Variants in NPHS1 observed in about 807,000 individuals in gnomAD.
NPHS1 encodes nephrin.
A neutral mutation model predicts 139.7 loss-of-function variants in NPHS1; 107 were observed. That is an observed-to-expected ratio of 0.77 (90% CI 0.66 to 0.90). The LOEUF (loss-of-function observed/expected upper bound fraction) is 0.90, where lower values mean the gene tolerates loss of function less well. Among genes scored for constraint, NPHS1 ranks in the 40% least tolerant of loss-of-function variants. The probability of loss-of-function intolerance (pLI) is 0.00; values close to 1 mark genes in which losing one functional copy is unlikely to be tolerated. For missense variants in NPHS1, 1,580 were observed against 1,654.2 expected (o/e 0.96, Z 0.78); for synonymous variants, 707 against 706.6 (o/e 1.00, Z -0.01).
chr19:35,839,705 G>A (rs573867632), intron 20 of NPHS1, 98 bp from the exon 21 acceptor site: 155 of 934,256 alleles, frequency 1.7e-4, no homozygotes, highest in Non-Finnish European at 1.3e-4. Context: ...ATATACAATC[G>A]CTTCTCATTG....
At chr19:35,851,240 C>G (rs778628615) in intron 3 of NPHS1, 22 bp downstream of exon 3, 34 of 1,613,874 alleles carry the variant, frequency 2.1e-5, no homozygotes, top group Non-Finnish European at 2.8e-5. Context: ...ACTCATGGGT[C>G]CTGGGCGTCT....
rs1487105643 is a variant in NPHS1 at position 35,841,815 on chromosome 19, G to A, written c.2715C>T (p.Thr905=). Residue 905 remains threonine (T), a synonymous_variant, in exon 20 of 29, where the codon ACC becomes ACT. Transcript: ENST00000378910. ...CCTGGGCGGCAGACACGTTGGCAAT[G>A]GTCAGGAGGCTGCTGTGGACACCAC... The part of the protein sequence containing the change: ...HQGGVHSSLL[T]IANVSAAQDY... The A allele has an allele frequency of 1.2e-6, 2 of 1,614,112 alleles. No homozygotes were observed. The highest frequency in any genetic ancestry group is 4.5e-5 in the East Asian group (2 of 44,890).
In NPHS1 at chr19:35,846,116, T is replaced by C. The variant is rs755654902; in HGVS notation, c.1519A>G (p.Ser507Gly). The change falls in exon 12 of 29, where the codon AGC becomes GGC. Residue 507 changes from serine to glycine, a missense_variant. By Grantham distance (56) the Ser-to-Gly change is moderately conservative. Coordinates refer to ENST00000378910, the MANE Select transcript of NPHS1 (RefSeq NM_004646.4). Reference sequence around the variant, plus strand: ...AGCACCAGCTCTCGGGAGAAGGTGCTCCCAGATTTCTCCACGCTGCCGAGA... The same window carrying C: ...AGCACCAGCTCTCGGGAGAAGGTGCCCCCAGATTTCTCCACGCTGCCGAGA... ...VHLGSVEKSGSTFSRELVLVT... is the reference protein window; with the variant it reads ...VHLGSVEKSGGTFSRELVLVT... The C allele has an allele frequency of 1.3e-6, 2 of 1,597,440 alleles. No individual in the cohort carries two copies. The highest frequency in any genetic ancestry group is 1.7e-5 in the Admixed American group (1 of 57,432).
At chr19:35,835,272 T>C (rs946979022) in intron 23 of NPHS1, among the ~76,000 whole-genome samples, 1 of 149,306 alleles carries the variant, frequency 6.7e-6, no homozygotes, top group African/African-American at 2.4e-5. Context: ...AGTCTGCAAT[T>C]CTGCAGGGAC....
rs771056065 is a variant in NPHS1, at chr19:35,846,003, C to T, written c.1627+5G>A. ...CCCCCGGGCCTCAGCAGTGCGAGCCCTCACACTGCACCGCCAGCTGCGTGG... is the reference window on the plus strand; with the variant it reads ...CCCCCGGGCCTCAGCAGTGCGAGCCTTCACACTGCACCGCCAGCTGCGTGG... On this transcript the variant is annotated splice_donor_5th_base_variant and intron_variant, in intron 12 of 28. Transcript: ENST00000378910. 4.5e-6 allele frequency: 7 copies of T among 1,572,384 alleles called. No individual in the cohort carries two copies. The highest frequency in any genetic ancestry group is 6.0e-6 in the Non-Finnish European group (7 of 1,159,130).
In NPHS1 at chr19:35,852,356, A is replaced by G. The variant is rs1300823899; in HGVS notation, c.-519T>C. Among the ~76,000 whole-genome samples the G allele has an allele frequency of 6.9e-6, 1 of 144,466 alleles. No homozygotes were observed. The highest frequency in any genetic ancestry group is 2.0e-4 in the East Asian group (1 of 4,932). The allele number at this position is 144,466 out of a possible 152,430, so 94.8% of individuals were successfully genotyped here. A position where few individuals can be genotyped will look rare whatever the true frequency, so the allele number is the denominator to read the frequency against. Reference sequence around the variant, plus strand: ...TCTATCTTCTCTCCTGCCACCCCTCACTCCTGCTCCTTGTCTCACTACTCA... The same window carrying G: ...TCTATCTTCTCTCCTGCCACCCCTCGCTCCTGCTCCTTGTCTCACTACTCA... On this transcript the variant is annotated 5_prime_UTR_variant, in exon 1 of 29. Transcript: ENST00000378910.
rs745815470 is a variant in NPHS1 at position 35,851,537 on chromosome 19, G to T, written c.194C>A (p.Ala65Asp). ...VSTPGSAVQW[A>D]KDGLLLGPDP... ...GGGGCCCAGGAGCAGCCCATCTTTG[G>T]CCCATTGCACCGCACTGCCAGGGGT... is the stretch of plus-strand genomic sequence containing the variant. The change falls in exon 2 of 29, where the codon GCC becomes GAC. Residue 65 changes from alanine (A) to aspartate (D), a missense_variant. By Grantham distance (126) the Ala-to-Asp change is moderately radical. Transcript: ENST00000378910. The T allele has an allele frequency of 6.2e-7, 1 of 1,613,842 alleles. No homozygotes were observed. Among genetic ancestry groups the T allele is most frequent in the South Asian group, 1.1e-5 (1 of 91,082 alleles).
chr19:35,835,034 C>G (rs561531560), intron 23 of NPHS1, among the ~76,000 whole-genome samples: 296 of 150,782 alleles, frequency 2.0e-3, no homozygotes, highest in South Asian at 8.6e-3. Context: ...CCCGTCCCTA[C>G]TAAAAAAGTA....
rs188326985 is a variant in NPHS1, at chr19:35,850,535, G to A, written c.527-90C>T. The A allele has an allele frequency of 3.4e-5, 37 of 1,078,654 alleles. No homozygotes were observed. The East Asian group carries it at 5.2e-4, about 15-fold the overall frequency. The allele number at this position is 1,078,654 out of a possible 1,614,324, so 66.8% of individuals were successfully genotyped here. ...GCCTGGAAGTCCTCAGGGTGGGTGC[G>A]ATGCCCCCTCCCTCCTCGTTCTAGA... On this transcript the variant is annotated intron_variant, in intron 4 of 28. Transcript: ENST00000378910.
chr19:35,830,529 C>T (rs1050055680), intron 28 of NPHS1, among the ~76,000 whole-genome samples: 1 of 152,262 alleles, frequency 6.6e-6, no homozygotes, highest in Non-Finnish European at 1.5e-5. Flanking sequence ...CCTGGCTCAG[C>T]CTCCTGAGTA....
At chr19:35,833,288 G>T (rs1300858280) in intron 23 of NPHS1, among the ~76,000 whole-genome samples, 1 of 152,098 alleles carries the variant, frequency 6.6e-6, no homozygotes, top group Non-Finnish European at 1.5e-5. Context: ...CCTCTAAGTA[G>T]GCATCTGTTG....
Position 35,848,401 on chromosome 19 carries a change from G to A in NPHS1, c.1171-4C>T, listed in dbSNP as rs1235712668. ...AGATGTGACCGCCATGCAGTCCCTG[G>A]CAGGGAGTGAGCTTCAGACGTGGGG... On this transcript the variant is annotated splice_polypyrimidine_tract_variant and splice_region_variant and intron_variant, in intron 9 of 28. Transcript: ENST00000378910. The A allele has an allele frequency of 8.1e-6, 13 of 1,614,118 alleles. No homozygotes were observed. Among genetic ancestry groups the A allele is most frequent in the Non-Finnish European group, 1.0e-5 (12 of 1,180,004 alleles).
At chr19:35,848,948 CA>C in intron 8 of NPHS1, 27 bp downstream of exon 8, 8 of 1,611,416 alleles carry the variant, frequency 5.0e-6, no homozygotes, top group Non-Finnish European at 4.2e-6. Flanking sequence ...CACAGACCGA[CA>C]GGGGGGCAGC....
intron 23 of NPHS1, among the ~76,000 whole-genome samples, chr19:35,832,259 C>A (rs1426714545): frequency 6.6e-6 from 1 of 152,134 alleles, no homozygotes; most frequent in Non-Finnish European, 1.5e-5. Context: ...AATTCTATCT[C>A]AAGGTCAGGC....
Position 35,845,891 on chromosome 19 carries a change from G to A in NPHS1, c.1628-93C>T. The stretch of plus-strand genomic sequence containing the variant: ...TGCACCCCAGGCTCCGCCCAGTCTC[G>A]GGTCCCCCACCCCGCCTCCGCCCGC... On this transcript the variant is annotated intron_variant, in intron 12 of 28. Coordinates refer to ENST00000378910, the MANE Select transcript of NPHS1 (RefSeq NM_004646.4). The surrounding 1 kb of genome is among the most constrained non-coding windows in gnomAD (Gnocchi z 5.5). The A allele has an allele frequency of 3.9e-6, 6 of 1,541,866 alleles. No individual in the cohort carries two copies. Among genetic ancestry groups the A allele is most frequent in the East Asian group, 2.4e-5 (1 of 42,278 alleles).
At chr19:35,849,752 G>T in intron 5 of NPHS1, 99 bp from the exon 6 acceptor site, 1 of 835,218 alleles carries the variant, frequency 1.2e-6, no homozygotes, top group Non-Finnish European at 2.0e-6. Context: ...CCCCACACCT[G>T]GTCTAAGTCC....
At chr19:35,829,832 C>T (rs1370424717) in intron 28 of NPHS1, among the ~76,000 whole-genome samples, 1 of 150,336 alleles carries the variant, frequency 6.7e-6, no homozygotes, top group Admixed American at 6.6e-5. Flanking sequence ...AGCCACCATG[C>T]TCGGCTTAAC....
chr19:35,832,048 T>A (rs969326652), intron 23 of NPHS1, among the ~76,000 whole-genome samples: 1 of 152,208 alleles, frequency 6.6e-6, no homozygotes. Context: ...CACTGAAGAC[T>A]TTCTGTGGTC....
intron 22 of NPHS1, among the ~76,000 whole-genome samples, chr19:35,836,461 G>A (rs371387609): frequency 6.6e-6 from 1 of 151,938 alleles, no homozygotes; most frequent in African/African-American, 2.4e-5. Context: ...GGTGTGCAAG[G>A]TCCTTTTCAC....
Sources: gnomAD v4.1 joint callset for allele counts (sites outside exome capture counted in the v4.1 genomes callset) on GRCh38, gnomAD v4.1.1 for gene constraint, Gnocchi (gnomAD v3.1) non-coding constraint, MANE v1.5 for transcripts, NCBI Gene and HGNC (gene_info 2026-07-23, HGNC 2026-07-21) for gene names.